Variants in DNAH14 observed in about 807,000 individuals in gnomAD.
The protein encoded by DNAH14 is dynein axonemal heavy chain 14.
A neutral mutation model predicts 520.9 loss-of-function variants in DNAH14; 478 were observed. The observed-to-expected ratio is 0.92, with a 90% CI of 0.85 to 0.99. The LOEUF (loss-of-function observed/expected upper bound fraction) is 0.99. DNAH14 is among the 50% of genes least tolerant of loss of function. The pLI is 0.00. For missense variants in DNAH14, 4,831 were observed against 5,234.5 expected (o/e 0.92, Z 2.38); for synonymous variants, 1,581 against 1,757.2 (o/e 0.90, Z 2.51).
At chr1:225,382,848 G>T (rs932188699) in intron 81 of DNAH14, among the ~76,000 whole-genome samples, 1 of 152,182 alleles carries the variant, frequency 6.6e-6, no homozygotes, top group Admixed American at 6.5e-5. Flanking sequence ...TCCCTGTAAT[G>T]AAATATTATT....
intron 5 of DNAH14, among the ~76,000 whole-genome samples, chr1:224,966,523 T>A (rs1174776450): frequency 2.0e-5 from 3 of 152,134 alleles, no homozygotes; most frequent in Non-Finnish European, 4.4e-5. Flanking sequence ...AAATTTTCCT[T>A]AATGTGGAAT....
At chr1:225,118,654 A>G (rs1375127506) in intron 25 of DNAH14, among the ~76,000 whole-genome samples, 1 of 152,156 alleles carries the variant, frequency 6.6e-6, no homozygotes, top group Non-Finnish European at 1.5e-5. Flanking sequence ...AGGCCGAGGC[A>G]GGTGAATTAC....
Position 225,307,503 on chromosome 1 carries a change from C to T in DNAH14, c.9048C>T (p.Thr3016=). ...HMGLSTILEA[T]TLVTEMQEEL... is the part of the protein sequence containing the mutation. ...GTCTATCCACAATCCTGGAAGCAAC[C>T]ACTCTAGTTACAGAAATGCAAGAAG... is the stretch of plus-strand genomic sequence containing the variant. The change falls in exon 59 of 86, where the codon ACC becomes ACT. Residue 3016 remains threonine (T), a synonymous_variant. Transcript: ENST00000682510. The T allele has an allele frequency of 6.5e-7, 1 of 1,547,664 alleles. No homozygotes were observed. Among genetic ancestry groups the T allele is most frequent in the Non-Finnish European group, 8.7e-7 (1 of 1,145,834 alleles).
intron 69 of DNAH14, among the ~76,000 whole-genome samples, chr1:225,344,691 T>TTTTATTTATTTATTTA (rs10605144): frequency 4.2e-5 from 6 of 143,146 alleles, no homozygotes; most frequent in South Asian, 2.3e-4. Context: ...CTAGCCATTC[T>TTTTATTTATTTATTTA]TTTATTTATT....
Position 225,290,086 on chromosome 1 carries a change from A to C in DNAH14, c.8469+4A>C, listed in dbSNP as rs918119761. The C allele has an allele frequency of 2.1e-6, 3 of 1,427,634 alleles. No individual in the cohort carries two copies. Among genetic ancestry groups the C allele is most frequent in the South Asian group, 1.6e-5 (1 of 63,746 alleles). 88.4% of individuals were successfully genotyped at this position (1,427,634 alleles called of 1,614,324 possible). On this transcript the variant is annotated splice_donor_region_variant and intron_variant, in intron 55 of 85. Coordinates refer to ENST00000682510, the MANE Select transcript of DNAH14 (RefSeq NM_001367479.1). ...TCCCAATTTAAACATAGAACAAGTA[A>C]GTACTTTTTGTCTTTGCTATTTGCT...
At chr1:225,108,282 G>T (rs147882821) in intron 23 of DNAH14, among the ~76,000 whole-genome samples, 1 of 152,164 alleles carries the variant, frequency 6.6e-6, no homozygotes, top group African/African-American at 2.4e-5. Context: ...CAGACTGAAG[G>T]CTGCATTGTT....
In DNAH14 at chr1:225,367,953, A is replaced by G; in HGVS notation, c.12239A>G (p.Asn4080Ser). 2.6e-6 allele frequency: 4 copies of G among 1,551,620 alleles called. No individual in the cohort carries two copies. The highest frequency in any genetic ancestry group is 3.5e-6 in the Non-Finnish European group (4 of 1,146,948). ...KKLLFSLCFFNAVINERKNYG... is the reference protein window; with the variant it reads ...KKLLFSLCFFSAVINERKNYG... ...CTTTTATTTAGCCTATGTTTTTTCAATGCTGTAATCAATGAAAGAAAAAAT... is the reference window on the plus strand; with the variant it reads ...CTTTTATTTAGCCTATGTTTTTTCAGTGCTGTAATCAATGAAAGAAAAAAT... Residue 4080 changes from asparagine to serine, a missense_variant, in exon 77 of 86, where the codon AAT becomes AGT. Asn to Ser is a conservative substitution (Grantham distance 46). Transcript: ENST00000682510.
intron 1 of DNAH14, among the ~76,000 whole-genome samples, chr1:224,938,996 T>C (rs1254215638): frequency 1.3e-5 from 2 of 151,868 alleles, no homozygotes; most frequent in African/African-American, 2.4e-5. Context: ...CTCGTGCAAA[T>C]AGAGTAGAAT....
intron 41 of DNAH14, among the ~76,000 whole-genome samples, chr1:225,214,609 T>C (rs970813318): frequency 6.6e-6 from 1 of 152,198 alleles, no homozygotes; most frequent in African/African-American, 2.4e-5. Flanking sequence ...TATTCAGGGA[T>C]TTTACTTCTT....
At chr1:225,335,930 CCT>C (rs1491521958) in intron 66 of DNAH14, among the ~76,000 whole-genome samples, 1 of 139,830 alleles carries the variant, frequency 7.2e-6, no homozygotes. Flanking sequence ...TGCACATATA[CCT>C]ATATATACAT....
Position 225,241,531 on chromosome 1 carries a change from G to A in DNAH14, c.6748+709G>A, listed in dbSNP as rs114356046. Among the ~76,000 whole-genome samples, 759 of 152,202 alleles carry A rather than the reference G, an allele frequency of 5.0e-3. 4 individuals carry two copies. The highest frequency in any genetic ancestry group is 0.017 in the African/African-American group (708 of 41,526). On this transcript the variant is annotated intron_variant, in intron 43 of 85. Coordinates refer to ENST00000682510, the MANE Select transcript of DNAH14 (RefSeq NM_001367479.1). ...GATGTGTTCTGAGAAATGTGCTGTT[G>A]GGGGATTTTTTTCATGGTGTGAATG...
At chr1:225,096,133 T>TTTGTTGTTGTTG (rs59833560) in intron 21 of DNAH14, among the ~76,000 whole-genome samples, 1 of 150,602 alleles carries the variant, frequency 6.6e-6, no homozygotes, top group South Asian at 2.1e-4. Flanking sequence ...GCCTGACTAA[T>TTTGTTGTTGTTG]TTGTTGTTGT....
intron 1 of DNAH14, among the ~76,000 whole-genome samples, chr1:224,944,497 G>A (rs1027550069): frequency 1.3e-5 from 2 of 148,758 alleles, no homozygotes; most frequent in African/African-American, 5.2e-5. Context: ...TTACATTTCA[G>A]GTTAATATCG....
intron 9 of DNAH14, among the ~76,000 whole-genome samples, chr1:225,007,040 A>G (rs185040987): frequency 3.3e-4 from 50 of 152,320 alleles, no homozygotes; most frequent in Non-Finnish European, 5.1e-4. Context: ...GGTTTCCCCA[A>G]TAATGCTGTA....
At position 225,192,860 on chromosome 1, in the gene DNAH14, A is replaced by C; in HGVS notation, c.5835A>C (p.Thr1945=). ...TATATTTTAACACACCAAAGAACAC[A>C]AAGAAAGACATTGATCTCAGACTAA... ...SYVYFNTPKN[T]KKDIDLRLKS... Residue 1945 remains threonine, a synonymous_variant, in exon 38 of 86, where the codon ACA becomes ACC. Coordinates refer to ENST00000682510, the MANE Select transcript of DNAH14 (RefSeq NM_001367479.1). 1 of 1,388,418 alleles carries C rather than the reference A, an allele frequency of 7.2e-7. No homozygotes were observed. Among genetic ancestry groups the C allele is most frequent in the East Asian group, 2.5e-5 (1 of 40,732 alleles). The allele number at this position is 1,388,418 out of a possible 1,614,324, so 86.0% of individuals were successfully genotyped here. A position where few individuals can be genotyped will look rare whatever the true frequency, so the allele number is the denominator to read the frequency against.
chr1:225,217,878 A>G (rs2149490632), intron 41 of DNAH14, among the ~76,000 whole-genome samples: 1 of 152,070 alleles, frequency 6.6e-6, no homozygotes, highest in East Asian at 1.9e-4. Context: ...ACCCTGCTCC[A>G]TGGGCTGCAC....
At chr1:224,949,049 T>G (rs1164826496) in intron 1 of DNAH14, among the ~76,000 whole-genome samples, 1 of 152,212 alleles carries the variant, frequency 6.6e-6, no homozygotes. Context: ...TTTAGGATAA[T>G]TTTTACTTGT....
intron 27 of DNAH14, among the ~76,000 whole-genome samples, chr1:225,127,193 G>A (rs1349918101): frequency 4.0e-5 from 6 of 149,766 alleles, no homozygotes; most frequent in African/African-American, 7.4e-5. Flanking sequence ...TGTTGATTTG[G>A]GGTGGAGAGT....
intron 41 of DNAH14, among the ~76,000 whole-genome samples, chr1:225,218,401 T>C (rs542559666): frequency 6.6e-6 from 1 of 151,890 alleles, no homozygotes; most frequent in Non-Finnish European, 1.5e-5. Context: ...TGTGCTGTAT[T>C]CAGGAGACCC....
Sources: gnomAD v4.1 joint callset for allele counts (sites outside exome capture counted in the v4.1 genomes callset) on GRCh38, gnomAD v4.1.1 for gene constraint, MANE v1.5 for transcripts, NCBI Gene and HGNC (gene_info 2026-07-23, HGNC 2026-07-21) for gene names.